COL6A3: variants seen among roughly 807,000 people sequenced by gnomAD.
The protein encoded by COL6A3 is collagen alpha-3(VI) chain.
In COL6A3, 137 loss-of-function variants were observed where a neutral mutation model predicts 274.1. The ratio of observed to expected loss-of-function variants is 0.50; its 90% CI spans 0.44 to 0.58. The LOEUF (loss-of-function observed/expected upper bound fraction) is 0.58, where lower values mean the gene tolerates loss of function less well. Ranked by LOEUF, COL6A3 falls within the 20% of genes least tolerant of loss-of-function variation. COL6A3 has a pLI of 0.00. For missense variants in COL6A3, 3,950 were observed against 4,124.9 expected (o/e 0.96, Z 1.16); for synonymous variants, 1,650 against 1,650.6 (o/e 1.00, Z 0.01).
At position 237,374,779 on chromosome 2, in the gene COL6A3, C is replaced by T. The variant is rs534102222; in HGVS notation, c.3312G>A (p.Pro1104=). 20 of 1,613,978 alleles carry T rather than the reference C, an allele frequency of 1.2e-5. No individual in the cohort carries two copies. The highest frequency in any genetic ancestry group is 1.6e-4 in the Middle Eastern group (1 of 6,062). The change falls in exon 8 of 44, where the codon CCG becomes CCA. Residue 1104 remains proline, a synonymous_variant. Transcript: ENST00000295550. This position sits in a 1 kb window ranked among gnomAD's most constrained non-coding sequence, Gnocchi z 4.8. Reference sequence around the variant, plus strand: ...CCAGGGCGGCCCCGGTGTTGGGGGTCGGCCCTCCCAGCAGGGTCAGCTGGC... The same window carrying T: ...CCAGGGCGGCCCCGGTGTTGGGGGTTGGCCCTCCCAGCAGGGTCAGCTGGC... ...AVRQLTLLGG[P]TPNTGAALEF...
At chr2:237,372,456 T>G in intron 8 of COL6A3, 119 bp from the exon 9 acceptor site, 5 of 1,577,512 alleles carry the variant, frequency 3.2e-6, no homozygotes, top group Non-Finnish European at 3.4e-6. Context: ...CAATCACCAC[T>G]GTTAAAAGTC....
intron 1 of COL6A3, among the ~76,000 whole-genome samples, chr2:237,406,304 C>T (rs921031108): frequency 5.3e-5 from 8 of 152,232 alleles, no homozygotes; most frequent in South Asian, 2.1e-4. Context: ...GAGACACACA[C>T]GCATGCACAC....
rs140041823 is a variant in COL6A3 at position 237,373,200 on chromosome 2, C to G, written c.3680-863G>C. 4.6e-4 allele frequency among the ~76,000 whole-genome samples: 70 copies of G among 152,238 alleles called. No homozygotes were observed. In the East Asian group the frequency reaches 0.012, roughly 26 times the overall value. On this transcript the variant is annotated intron_variant, in intron 8 of 43. Coordinates refer to ENST00000295550, the MANE Select transcript of COL6A3 (RefSeq NM_004369.4). The stretch of plus-strand genomic sequence containing the variant: ...AGAGCCACAGCGTTGTGGAAATGTA[C>G]GTTCCTGACAACAGAAGCTGCACCC...
intron 41 of COL6A3, among the ~76,000 whole-genome samples, chr2:237,334,271 T>C (rs1700414509): frequency 6.6e-6 from 1 of 152,202 alleles, no homozygotes; most frequent in Non-Finnish European, 1.5e-5. Context: ...CATGGAAACC[T>C]GGACGGGGTG....
intron 39 of COL6A3, among the ~76,000 whole-genome samples, chr2:237,338,005 TACG>T (rs1700638163): frequency 6.6e-6 from 1 of 152,276 alleles, no homozygotes. Context: ...ATCCTTCTTT[TACG>T]TAATCATTTC....
chr2:237,410,239 A>C (rs1361511748), intron 1 of COL6A3, among the ~76,000 whole-genome samples: 1 of 152,128 alleles, frequency 6.6e-6, no homozygotes, highest in Non-Finnish European at 1.5e-5. Context: ...TAGAGGAAAG[A>C]AAACCAAACT....
At position 237,372,118 on chromosome 2, in the gene COL6A3, T is replaced by C; in HGVS notation, c.3899A>G (p.Gln1300Arg). Residue 1300 changes from glutamine (Q) to arginine (R), a missense_variant, in exon 9 of 44, where the codon CAG becomes CGG. Physicochemically the swap from Gln to Arg is conservative, Grantham distance 43 (BLOSUM62 1). This residue lies in a region of COL6A3 where 1,934 missense variants were observed against 1,984.3 expected (regional missense o/e 0.97). Transcript: ENST00000295550. Reference sequence around the variant, plus strand: ...CCGCCCTCCCTTGGGCCTCAGCCGCTGCACCGCGTTCTGCACTTCATCCTT... The same window carrying C: ...CCGCCCTCCCTTGGGCCTCAGCCGCCGCACCGCGTTCTGCACTTCATCCTT... ...SSKDEVQNAV[Q>R]RLRPKGGRQI... 2.5e-6 allele frequency: 4 copies of C among 1,614,070 alleles called. No individual in the cohort carries two copies. Among genetic ancestry groups the C allele is most frequent in the Non-Finnish European group, 2.5e-6 (3 of 1,180,028 alleles).
At chr2:237,325,112 G>C (rs1699871984) in intron 43 of COL6A3, among the ~76,000 whole-genome samples, 1 of 152,048 alleles carries the variant, frequency 6.6e-6, no homozygotes, top group Admixed American at 6.5e-5. Flanking sequence ...CTGACCCCAG[G>C]CTCTGTTCAA....
At position 237,333,485 on chromosome 2, in the gene COL6A3, A is replaced by G. The variant is rs1574925872; in HGVS notation, c.9293T>C (p.Met3098Thr). 3.7e-6 allele frequency: 6 copies of G among 1,614,220 alleles called. No individual in the cohort carries two copies. Among genetic ancestry groups the G allele is most frequent in the Admixed American group, 1.7e-5 (1 of 60,028 alleles). ...RSASSSTINL[M>T]VSTEPLALTE... ...GAGAGCCAATGGTTCTGTGCTCACC[A>G]TTAGATTGATGGTTGAACTAGAAGC... The change falls in exon 42 of 44, where the codon ATG (methionine) becomes ACG (threonine). Residue 3098 changes from methionine (M) to threonine (T), a missense_variant. By Grantham distance (81) the Met-to-Thr change is moderately conservative. This residue lies in a region of COL6A3 where 1,284 missense variants were observed against 1,349.7 expected (regional missense o/e 0.95). Transcript: ENST00000295550.
At chr2:237,399,763 T>C (rs1186342531) in intron 1 of COL6A3, among the ~76,000 whole-genome samples, 1 of 152,204 alleles carries the variant, frequency 6.6e-6, no homozygotes, top group East Asian at 1.9e-4. Context: ...ACCAAAGGCA[T>C]CTCCACCTGC....
chr2:237,362,293 C>A (rs955343731), intron 14 of COL6A3, among the ~76,000 whole-genome samples: 2 of 152,204 alleles, frequency 1.3e-5, no homozygotes, highest in African/African-American at 2.4e-5. Flanking sequence ...ATGGTACCAG[C>A]CCAGAAAGAG....
rs372089952 is a variant in COL6A3 at position 237,372,180 on chromosome 2, G to T, written c.3837C>A (p.Asp1279Glu). The T allele has an allele frequency of 1.7e-5, 27 of 1,614,026 alleles. No individual in the cohort carries two copies. Among genetic ancestry groups the T allele is most frequent in the Non-Finnish European group, 2.1e-5 (25 of 1,180,052 alleles). ...CGTTCAGCAGGAACTCCACCTTGGGGTCATCGCTGAACTGGATGACAGCCA... is the reference window on the plus strand; with the variant it reads ...CGTTCAGCAGGAACTCCACCTTGGGTTCATCGCTGAACTGGATGACAGCCA... ...TRVAVIQFSD[D>E]PKVEFLLNAH... is the part of the protein sequence containing the mutation. Residue 1279 changes from aspartate to glutamate, a missense_variant, in exon 9 of 44, where the codon GAC becomes GAA. This residue lies in a region of COL6A3 where 1,934 missense variants were observed against 1,984.3 expected (regional missense o/e 0.97). Transcript: ENST00000295550.
In COL6A3 at chr2:237,357,990, G is replaced by A. The variant is rs4663730; in HGVS notation, c.6472-108C>T. On this transcript the variant is annotated intron_variant, in intron 21 of 43. Coordinates refer to ENST00000295550, the MANE Select transcript of COL6A3 (RefSeq NM_004369.4). Reference sequence around the variant, plus strand: ...AGCAAGGACCTGCATGCAAGGCTTCGAGGGACAAGCCCTTCGGCCACAACC... The same window carrying A: ...AGCAAGGACCTGCATGCAAGGCTTCAAGGGACAAGCCCTTCGGCCACAACC... The A allele has an allele frequency of 0.39, 402,942 of 1,041,928 alleles. 83,234 individuals carry two copies. The highest frequency in any genetic ancestry group is 0.42 in the Non-Finnish European group (277,080 of 659,516). 64.5% of individuals were successfully genotyped at this position (1,041,928 alleles called of 1,614,324 possible).
intron 41 of COL6A3, among the ~76,000 whole-genome samples, 199 bp downstream of exon 41, chr2:237,334,427 T>A (rs1700423643): frequency 6.6e-6 from 1 of 152,194 alleles, no homozygotes; most frequent in African/African-American, 2.4e-5. Flanking sequence ...CCACATGGAA[T>A]CCCATTTCCA....
Position 237,367,491 on chromosome 2 carries a change from T to C in COL6A3, c.4901-205A>G, listed in dbSNP as rs1469820394. ...ATGCTAAATACAAGAAGATGAATGA[T>C]AAATCCTCTAAACAAAAAGGAAAGG... On this transcript the variant is annotated intron_variant, in intron 10 of 43. Transcript: ENST00000295550. Among the ~76,000 whole-genome samples the C allele has an allele frequency of 3.9e-5, 6 of 152,354 alleles. No individual in the cohort carries two copies. In the East Asian group the frequency reaches 1.2e-3, roughly 29 times the overall value.
At chr2:237,397,588 G>T (rs2078483663) in intron 1 of COL6A3, among the ~76,000 whole-genome samples, 1 of 152,176 alleles carries the variant, frequency 6.6e-6, no homozygotes, top group Non-Finnish European at 1.5e-5. Flanking sequence ...TCTGTCTAAA[G>T]GGACCTCAGA....
intron 23 of COL6A3, 31 bp from the exon 24 acceptor site, chr2:237,354,965 G>A (rs756055925): frequency 5.0e-6 from 8 of 1,609,028 alleles, no homozygotes; most frequent in African/African-American, 4.0e-5. Flanking sequence ...CAAACTGTGA[G>A]GGGGAGCATG....
At position 237,371,677 on chromosome 2, in the gene COL6A3, G is replaced by A. The variant is rs2077689396; in HGVS notation, c.4285+55C>T. ...TATGAGTACCATGGCCTTTGAGCCT[G>A]TTATTTTTCATATGGAAAATGCTCC... On this transcript the variant is annotated intron_variant, in intron 9 of 43. Transcript: ENST00000295550. The surrounding 1 kb of genome is among the most constrained non-coding windows in gnomAD (Gnocchi z 4.3). 3 of 1,532,528 alleles carry A rather than the reference G, an allele frequency of 2.0e-6. No homozygotes were observed. Among genetic ancestry groups the A allele is most frequent in the Non-Finnish European group, 2.6e-6 (3 of 1,143,240 alleles). 94.9% of individuals were successfully genotyped at this position (1,532,528 alleles called of 1,614,324 possible).
chr2:237,350,084 G>T, intron 28 of COL6A3, 63 bp downstream of exon 28: 1 of 1,492,102 alleles, frequency 6.7e-7, no homozygotes, highest in Admixed American at 1.7e-5. Context: ...CCCTCTCCTG[G>T]CTTCCTGCAC....
Sources: gnomAD v4.1 joint callset for allele counts (sites outside exome capture counted in the v4.1 genomes callset) on GRCh38, gnomAD v4.1.1 for gene constraint, gnomAD v4.1.1 regional missense constraint, Gnocchi (gnomAD v3.1) non-coding constraint, MANE v1.5 for transcripts, NCBI Gene and HGNC (gene_info 2026-07-23, HGNC 2026-07-21) for gene names.